The following ZNF592 variants were observed in gnomAD, a reference collection of about 807,000 sequenced individuals.
ZNF592 encodes the protein zinc finger protein 592, also known as spinocerebellar ataxia, autosomal recessive 5.
A neutral mutation model predicts 80.3 loss-of-function variants in ZNF592; 11 were observed. The ratio of observed to expected loss-of-function variants is 0.14; its 90% CI spans 0.09 to 0.23. The LOEUF (loss-of-function observed/expected upper bound fraction) is 0.23, where lower values mean the gene tolerates loss of function less well. ZNF592 is among the 10% of genes least tolerant of loss of function. The probability of loss-of-function intolerance (pLI) is 1.00; values close to 1 mark genes in which losing one functional copy is unlikely to be tolerated. For missense variants in ZNF592, 1,420 were observed against 1,633.9 expected (o/e 0.87, Z 2.26); for synonymous variants, 646 against 640.3 (o/e 1.01, Z -0.13).
chr15:84,785,652 G>T (rs1389037251), intron 4 of ZNF592, among the ~76,000 whole-genome samples: 1 of 152,200 alleles, frequency 6.6e-6, no homozygotes, highest in Non-Finnish European at 1.5e-5. Context: ...CTGCCCTGCA[G>T]TGACACAGCT....
chr15:84,780,341 A>G (rs1194015948), intron 3 of ZNF592, among the ~76,000 whole-genome samples: 1 of 152,210 alleles, frequency 6.6e-6, no homozygotes, highest in Admixed American at 6.5e-5. Flanking sequence ...AAAGAAGCTT[A>G]TAAAGCAAAT....
chr15:84,802,396 G>C lies in ZNF592; in HGVS notation c.*3G>C. The C allele has an allele frequency of 6.2e-7, 1 of 1,613,282 alleles. No homozygotes were observed. Among genetic ancestry groups the C allele is most frequent in the Non-Finnish European group, 8.5e-7 (1 of 1,179,970 alleles). ...ACACACTGTCCCCTCAGGTGTGACC[G>C]GAGACTTTGCAGTGTGCATGGTCAG... On this transcript the variant is annotated 3_prime_UTR_variant, in exon 11 of 11. Transcript: ENST00000560079.
rs1899452359 is a variant in ZNF592 at position 84,764,761 on chromosome 15, A to T, written c.-204A>T. ...AGGTAGAAGTTTTTCCTTTCTCCGCAGCTCTGCTCCCCTAGCAACGCTCGC... is the reference window on the plus strand; with the variant it reads ...AGGTAGAAGTTTTTCCTTTCTCCGCTGCTCTGCTCCCCTAGCAACGCTCGC... On this transcript the variant is annotated 5_prime_UTR_variant, in exon 2 of 11. Coordinates refer to ENST00000560079, the MANE Select transcript of ZNF592 (RefSeq NM_014630.3). 2 of 398,816 alleles carry T rather than the reference A, an allele frequency of 5.0e-6. No homozygotes were observed. Among genetic ancestry groups the T allele is most frequent in the African/African-American group, 4.1e-5 (2 of 48,566 alleles). 24.7% of individuals were successfully genotyped at this position (398,816 alleles called of 1,614,324 possible). A position where few individuals can be genotyped will look rare whatever the true frequency, so the allele number is the denominator to read the frequency against.
intron 2 of ZNF592, among the ~76,000 whole-genome samples, chr15:84,773,470 CA>C: frequency 6.6e-6 from 1 of 152,110 alleles, no homozygotes; most frequent in Non-Finnish European, 1.5e-5. Context: ...CTCGACCTCC[CA>C]AAGTGCTGGG....
At chr15:84,787,280 C>T (rs373477452) in intron 4 of ZNF592, among the ~76,000 whole-genome samples, 2 of 152,146 alleles carry the variant, frequency 1.3e-5, no homozygotes, top group African/African-American at 4.8e-5. Context: ...GAAGAGCACC[C>T]GCCGACAGGA....
chr15:84,774,299 T>C (rs1962179469), intron 2 of ZNF592, among the ~76,000 whole-genome samples: 1 of 152,248 alleles, frequency 6.6e-6, no homozygotes, highest in Non-Finnish European at 1.5e-5. Flanking sequence ...ATGAATGAAA[T>C]AGATAAGCCT....
intron 2 of ZNF592, among the ~76,000 whole-genome samples, chr15:84,773,236 G>A (rs535012660): frequency 2.2e-4 from 32 of 147,824 alleles, no homozygotes; most frequent in African/African-American, 7.9e-4. Context: ...TTTTGAGACG[G>A]AGTCTCGCTC....
rs1963031669 is a variant in ZNF592 at position 84,799,529 on chromosome 15, T to C, written c.3138-313T>C. On this transcript the variant is annotated intron_variant, in intron 9 of 10. Transcript: ENST00000560079. The surrounding 1 kb of genome is among the most constrained non-coding windows in gnomAD (Gnocchi z 4.2). ...CTGGGGCCGAGAGGCTTCTGCACCA[T>C]CTGCCTGTGCCTTGGGGTGGCCCCA... Among the ~76,000 whole-genome samples the C allele has an allele frequency of 6.6e-6, 1 of 152,190 alleles. No individual in the cohort carries two copies. The highest frequency in any genetic ancestry group is 6.5e-5 in the Admixed American group (1 of 15,278).
chr15:84,756,640 C>T (rs1252635977), intron 1 of ZNF592, among the ~76,000 whole-genome samples: 1 of 152,202 alleles, frequency 6.6e-6, no homozygotes, highest in African/African-American at 2.4e-5. Flanking sequence ...TGCTGTTATC[C>T]TCCCCAGACT....
At chr15:84,769,008 G>A (rs569157365) in intron 2 of ZNF592, among the ~76,000 whole-genome samples, 5 of 151,922 alleles carry the variant, frequency 3.3e-5, no homozygotes, top group Non-Finnish European at 4.4e-5. Flanking sequence ...TAGCACGATC[G>A]TGGCTCACTG....
intron 2 of ZNF592, among the ~76,000 whole-genome samples, chr15:84,771,019 G>T (rs1366631894): frequency 2.0e-5 from 3 of 152,154 alleles, no homozygotes; most frequent in African/African-American, 7.2e-5. Context: ...AGGGCAAGCA[G>T]GGGCAGGTAC....
In ZNF592 at chr15:84,797,931, G is replaced by A. The variant is rs765873101; in HGVS notation, c.2462G>A (p.Arg821Gln). 3 of 1,614,090 alleles carry A rather than the reference G, an allele frequency of 1.9e-6. No individual in the cohort carries two copies. The highest frequency in any genetic ancestry group is 2.7e-5 in the African/African-American group (2 of 74,922). ...LALLKSHIQE[R>Q]HCQVFHKCAF... is the part of the protein sequence containing the mutation. ...TTGCTGAAAAGCCACATCCAGGAGCGACACTGCCAGGTTTTCCACAAATGT... is the reference window on the plus strand; with the variant it reads ...TTGCTGAAAAGCCACATCCAGGAGCAACACTGCCAGGTTTTCCACAAATGT... Residue 821 changes from arginine to glutamine, a missense_variant, in exon 6 of 11, where the codon CGA becomes CAA. Arg to Gln is a conservative substitution (Grantham distance 43). This residue lies in a region of ZNF592 where 13 missense variants were observed against 42.3 expected (regional missense o/e 0.31). Coordinates refer to ENST00000560079, the MANE Select transcript of ZNF592 (RefSeq NM_014630.3).
At chr15:84,780,599 A>G (rs986605325) in intron 3 of ZNF592, among the ~76,000 whole-genome samples, 1 of 152,156 alleles carries the variant, frequency 6.6e-6, no homozygotes, top group Admixed American at 6.5e-5. Context: ...TATCTTCCCA[A>G]TGGGAGGGAG....
intron 1 of ZNF592, among the ~76,000 whole-genome samples, chr15:84,757,289 A>T (rs541524067): frequency 2.5e-4 from 38 of 150,992 alleles, no homozygotes; most frequent in Admixed American, 1.2e-3. Context: ...CTACAGGTGT[A>T]CCACTGTCCC....
In ZNF592 at chr15:84,802,144, G is replaced by A. The variant is rs1393004033; in HGVS notation, c.3555G>A (p.Glu1185=). The change falls in exon 11 of 11, where the codon GAG becomes GAA. Residue 1185 remains glutamate (E), a synonymous_variant. Coordinates refer to ENST00000560079, the MANE Select transcript of ZNF592 (RefSeq NM_014630.3). ...VHKVRDQEEE[E]EEEAAAAEMA... is the part of the protein sequence containing the mutation. ...AGGTGAGAGACCAGGAGGAGGAGGAGGAAGAGGAGGCGGCGGCAGCGGAGA... is the reference window on the plus strand; with the variant it reads ...AGGTGAGAGACCAGGAGGAGGAGGAAGAAGAGGAGGCGGCGGCAGCGGAGA... 1.9e-5 allele frequency: 31 copies of A among 1,602,422 alleles called. No homozygotes were observed. Among genetic ancestry groups the A allele is most frequent in the Non-Finnish European group, 2.5e-5 (29 of 1,171,242 alleles).
In ZNF592 at chr15:84,799,231, G is replaced by A. The variant is rs1323310220; in HGVS notation, c.3137+21G>A. 2 of 1,610,346 alleles carry A rather than the reference G, an allele frequency of 1.2e-6. No homozygotes were observed. The highest frequency in any genetic ancestry group is 1.1e-5 in the South Asian group (1 of 90,994). Reference sequence around the variant, plus strand: ...TGCGGGTGAGTCCCTGGGGATAGTAGTGAGGAGGCCTGAGGTTCAAAAGAC... The same window carrying A: ...TGCGGGTGAGTCCCTGGGGATAGTAATGAGGAGGCCTGAGGTTCAAAAGAC... On this transcript the variant is annotated intron_variant, in intron 9 of 10. Coordinates refer to ENST00000560079, the MANE Select transcript of ZNF592 (RefSeq NM_014630.3). The surrounding 1 kb of genome is among the most constrained non-coding windows in gnomAD (Gnocchi z 4.2).
rs183875391 is a variant in ZNF592 at position 84,764,865 on chromosome 15, A to G, written c.-150+50A>G. On this transcript the variant is annotated intron_variant, in intron 2 of 10. Coordinates refer to ENST00000560079, the MANE Select transcript of ZNF592 (RefSeq NM_014630.3). ...CTGGCCTTGAAAAGCCAAGAGTTTG[A>G]ACATGAGATTTTTTTGTTCCCTGGA... 1.9e-3 allele frequency: 742 copies of G among 397,786 alleles called. 2 individuals are homozygous for G. The highest frequency in any genetic ancestry group is 0.014 in the African/African-American group (677 of 48,314). The allele number at this position is 397,786 out of a possible 1,614,324, so 24.6% of individuals were successfully genotyped here. A position where few individuals can be genotyped will look rare whatever the true frequency, so the allele number is the denominator to read the frequency against.
intron 2 of ZNF592, among the ~76,000 whole-genome samples, chr15:84,777,761 A>G (rs1347072883): frequency 2.3e-5 from 3 of 131,020 alleles, no homozygotes; most frequent in East Asian, 2.4e-4. Context: ...GTGCGGTGGC[A>G]CGATCTCAGC....
rs143828021 is a variant in ZNF592, at chr15:84,785,358, C to G, written c.2220+463C>G. Reference sequence around the variant, plus strand: ...ACGGAGTCTCACTCTGTCACCCAGGCTGGAGTGCACTGGTGGGATCTCAGT... The same window carrying G: ...ACGGAGTCTCACTCTGTCACCCAGGGTGGAGTGCACTGGTGGGATCTCAGT... On this transcript the variant is annotated intron_variant, in intron 4 of 10. Transcript: ENST00000560079. 1.1e-3 allele frequency among the ~76,000 whole-genome samples: 165 copies of G among 151,892 alleles called. 1 individual carries two copies. In the Middle Eastern group the frequency reaches 0.027, roughly 25 times the overall value.
Sources: allele counts gnomAD v4.1 joint callset (sites outside exome capture counted in the v4.1 genomes callset), GRCh38; gene constraint gnomAD v4.1.1; regional missense constraint gnomAD v4.1.1; non-coding constraint Gnocchi (gnomAD v3.1); transcripts MANE v1.5; gene names NCBI Gene and HGNC (gene_info 2026-07-23, HGNC 2026-07-21).